CADM2: variants seen among roughly 807,000 people sequenced by gnomAD.
CADM2 encodes cell adhesion molecule 2, also known as immunoglobulin superfamily member 4D.
A neutral mutation model predicts 49.8 loss-of-function variants in CADM2; 12 were observed. That is an observed-to-expected ratio of 0.24 (90% CI 0.15 to 0.39). The LOEUF (loss-of-function observed/expected upper bound fraction) is 0.39. Ranked by LOEUF, CADM2 falls within the 10% of genes least tolerant of loss-of-function variation. The pLI is 1.00. For synonymous variants in CADM2, 214 were observed against 175.4 expected, an observed-to-expected ratio of 1.22 and a Z score of -1.74; for missense variants, 378 against 492.3, an observed-to-expected ratio of 0.77 and a Z score of 2.20.
At chr3:85,043,893 A>G (rs929908216) in intron 1 of CADM2, among the ~76,000 whole-genome samples, 2 of 152,124 alleles carry the variant, frequency 1.3e-5, no homozygotes. Flanking sequence ...CCAAACTTCT[A>G]ATTTTTTGAG....
intron 1 of CADM2, among the ~76,000 whole-genome samples, chr3:85,111,811 G>A (rs925591459): frequency 6.6e-6 from 1 of 151,758 alleles, no homozygotes; most frequent in African/African-American, 2.4e-5. Flanking sequence ...ATTAATTTAA[G>A]GAAATGCCAT....
chr3:85,458,071 C>T (rs760538773), intron 1 of CADM2, among the ~76,000 whole-genome samples: 1 of 152,260 alleles, frequency 6.6e-6, no homozygotes, highest in Non-Finnish European at 1.5e-5. Flanking sequence ...ATCAACTATT[C>T]CTTTGTTTAT....
At chr3:85,201,299 C>T (rs1232162947) in intron 1 of CADM2, among the ~76,000 whole-genome samples, 2 of 152,146 alleles carry the variant, frequency 1.3e-5, no homozygotes, top group Non-Finnish European at 2.9e-5. Context: ...AAAAGTTATG[C>T]TTACACTATA....
In CADM2 at chr3:85,310,294, C is replaced by T. The variant is rs147519148; in HGVS notation, c.61+350626C>T. ...ATACTGATGATAAAATTTCAGGGCACGGACTGTTTGGAGGGCACAGGATTT... is the reference window on the plus strand; with the variant it reads ...ATACTGATGATAAAATTTCAGGGCATGGACTGTTTGGAGGGCACAGGATTT... On this transcript the variant is annotated intron_variant, in intron 1 of 9. Coordinates refer to ENST00000383699, the MANE Select transcript of CADM2 (RefSeq NM_001167675.2). 2.0e-5 allele frequency among the ~76,000 whole-genome samples: 3 copies of T among 151,730 alleles called. No homozygotes were observed. The East Asian group carries it at 5.9e-4, about 30-fold the overall frequency.
chr3:85,755,581 C>T (rs2069075448), intron 2 of CADM2, among the ~76,000 whole-genome samples: 1 of 152,118 alleles, frequency 6.6e-6, no homozygotes, highest in African/African-American at 2.4e-5. Context: ...TTAATTGGTT[C>T]ACTATTCCAT....
chr3:84,984,615 A>AG (rs2032439132), intron 1 of CADM2, among the ~76,000 whole-genome samples: 1 of 151,600 alleles, frequency 6.6e-6, no homozygotes. Context: ...AAAAAAAAAA[A>AG]GGTCAGGTTA....
chr3:86,021,364 A>C (rs1161676935), intron 8 of CADM2, among the ~76,000 whole-genome samples: 1 of 152,064 alleles, frequency 6.6e-6, no homozygotes, highest in South Asian at 2.1e-4. Flanking sequence ...CCATTTAATT[A>C]TGTTGCTTCC....
At chr3:84,982,637 A>G (rs1441830638) in intron 1 of CADM2, among the ~76,000 whole-genome samples, 1 of 148,900 alleles carries the variant, frequency 6.7e-6, no homozygotes, top group African/African-American at 2.5e-5. Context: ...CATGAAAAGT[A>G]TATCAAGTAC....
chr3:85,882,292 G>T (rs1235980395), intron 3 of CADM2, among the ~76,000 whole-genome samples: 1 of 152,076 alleles, frequency 6.6e-6, no homozygotes, highest in East Asian at 1.9e-4. Flanking sequence ...GCTGTTTGCT[G>T]TTAGTAAGGC....
chr3:85,658,596 A>ATATG (rs1406208500), intron 1 of CADM2, among the ~76,000 whole-genome samples: 67 of 138,808 alleles, frequency 4.8e-4, no homozygotes, highest in Non-Finnish European at 8.7e-4. Flanking sequence ...ATATATATAT[A>ATATG]TATATATATA....
intron 3 of CADM2, among the ~76,000 whole-genome samples, chr3:85,862,949 G>T (rs890031934): frequency 1.3e-5 from 2 of 152,168 alleles, no homozygotes; most frequent in African/African-American, 4.8e-5. Flanking sequence ...AGATGTGGAA[G>T]ACTGAAAGAG....
At chr3:85,351,379 A>G (rs1470796115) in intron 1 of CADM2, among the ~76,000 whole-genome samples, 1 of 152,218 alleles carries the variant, frequency 6.6e-6, no homozygotes, top group Non-Finnish European at 1.5e-5. Context: ...CAAAATAGGC[A>G]TAACGTATAA....
At chr3:85,142,346 T>A (rs969814127) in intron 1 of CADM2, among the ~76,000 whole-genome samples, 3 of 152,156 alleles carry the variant, frequency 2.0e-5, no homozygotes, top group Non-Finnish European at 4.4e-5. Flanking sequence ...ATACGTCATA[T>A]CTTGATTTGA....
intron 1 of CADM2, among the ~76,000 whole-genome samples, chr3:85,449,082 A>AATTAT (rs1553724946): frequency 8.9e-6 from 1 of 112,932 alleles, no homozygotes; most frequent in Non-Finnish European, 1.9e-5. Context: ...ATAATGATAA[A>AATTAT]AATTATATAA....
rs1030703238 is a variant in CADM2 at position 85,918,066 on chromosome 3, G to A, written c.700+5523G>A. Reference sequence around the variant, plus strand: ...TTATCAGCTTGGGCTTAGACGATGGGGTTTTCTAGATATACAATCATGTCA... The same window carrying A: ...TTATCAGCTTGGGCTTAGACGATGGAGTTTTCTAGATATACAATCATGTCA... On this transcript the variant is annotated intron_variant, in intron 6 of 9. Coordinates refer to ENST00000383699, the MANE Select transcript of CADM2 (RefSeq NM_001167675.2). Among the ~76,000 whole-genome samples the A allele has an allele frequency of 7.9e-5, 12 of 151,922 alleles. No individual in the cohort carries two copies. In the South Asian group the frequency reaches 2.1e-3, roughly 26 times the overall value.
chr3:85,301,482 G>T (rs1223088389), intron 1 of CADM2, among the ~76,000 whole-genome samples: 1 of 151,940 alleles, frequency 6.6e-6, no homozygotes, highest in East Asian at 1.9e-4. Context: ...GCTACAATTT[G>T]TCTGCGGTGT....
intron 1 of CADM2, among the ~76,000 whole-genome samples, chr3:85,306,218 CA>C (rs991176259): frequency 5.9e-5 from 9 of 151,496 alleles, no homozygotes; most frequent in South Asian, 2.1e-4. Flanking sequence ...TAAATTTCAA[CA>C]AAAAAATCTA....
chr3:85,735,636 A>T (rs1489330063), intron 2 of CADM2, among the ~76,000 whole-genome samples: 2 of 152,166 alleles, frequency 1.3e-5, no homozygotes, highest in Non-Finnish European at 2.9e-5. Context: ...GGAAAATGTG[A>T]TTATAATAGG....
chr3:85,415,253 T>A (rs533063089), intron 1 of CADM2, among the ~76,000 whole-genome samples: 1 of 152,188 alleles, frequency 6.6e-6, no homozygotes, highest in Non-Finnish European at 1.5e-5. Flanking sequence ...GTTCTCAAAT[T>A]TCGTGGACTT....
Sources: allele counts gnomAD v4.1 joint callset (sites outside exome capture counted in the v4.1 genomes callset), GRCh38; gene constraint gnomAD v4.1.1; transcripts MANE v1.5; gene names NCBI Gene and HGNC (gene_info 2026-07-23, HGNC 2026-07-21).